FLNB: variants seen among roughly 807,000 people sequenced by gnomAD.
FLNB encodes the protein filamin-B.
In FLNB, 111 loss-of-function variants were observed where a neutral mutation model predicts 250.6. The observed-to-expected ratio is 0.44, with a 90% CI of 0.38 to 0.52. FLNB has a LOEUF of 0.52. Among genes scored for constraint, FLNB ranks in the 20% least tolerant of loss-of-function variants. The pLI is 0.00. For missense variants in FLNB, 2,869 were observed against 3,447.8 expected, an observed-to-expected ratio of 0.83 and a Z score of 4.20; for synonymous variants, 1,302 against 1,372.1, an observed-to-expected ratio of 0.95 and a Z score of 1.13.
intron 41 of FLNB, among the ~76,000 whole-genome samples, chr3:58,157,123 A>G (rs1385376320): frequency 6.6e-6 from 1 of 152,214 alleles, no homozygotes; most frequent in African/African-American, 2.4e-5. Context: ...AGGTCACTTA[A>G]TTCAAGGTTG....
intron 4 of FLNB, among the ~76,000 whole-genome samples, chr3:58,088,232 G>C (rs1019224205): frequency 1.3e-5 from 2 of 151,810 alleles, no homozygotes; most frequent in Non-Finnish European, 2.9e-5. Context: ...ATTTTTAGTA[G>C]AGACGGAGTT....
At position 58,130,880 on chromosome 3, in the gene FLNB, G is replaced by C. The variant is rs150844992; in HGVS notation, c.4362G>C (p.Pro1454=). ...ACAGCAGCAAGGCTGGCCTGGCTCC[G>C]CTGGAAGTGAGGGTTCTGGGCCCAC... ...TVDSSKAGLA[P]LEVRVLGPRG... is the part of the protein sequence containing the mutation. The change falls in exon 25 of 46, where the codon CCG becomes CCC. Residue 1454 remains proline (P), a synonymous_variant. Coordinates refer to ENST00000295956, the MANE Select transcript of FLNB (RefSeq NM_001457.4). The C allele has an allele frequency of 6.2e-6, 10 of 1,612,426 alleles. No homozygotes were observed. Among genetic ancestry groups the C allele is most frequent in the Non-Finnish European group, 7.6e-6 (9 of 1,179,576 alleles).
chr3:58,083,004 T>C (rs2097211387), intron 4 of FLNB, among the ~76,000 whole-genome samples: 1 of 152,182 alleles, frequency 6.6e-6, no homozygotes, highest in African/African-American at 2.4e-5. Context: ...ACTAAGCTTC[T>C]CCTAAGAATA....
At chr3:58,103,091 A>G (rs1191166110) in intron 9 of FLNB, among the ~76,000 whole-genome samples, 1 of 152,176 alleles carries the variant, frequency 6.6e-6, no homozygotes, top group Non-Finnish European at 1.5e-5. Context: ...TGTTCCCAAC[A>G]GGCTGGGGCA....
chr3:58,113,973 C>G (rs1016827602), intron 18 of FLNB, among the ~76,000 whole-genome samples: 3 of 152,194 alleles, frequency 2.0e-5, no homozygotes, highest in Non-Finnish European at 4.4e-5. Flanking sequence ...GCCACTGCGC[C>G]TGACCTCAGT....
intron 24 of FLNB, among the ~76,000 whole-genome samples, chr3:58,130,004 C>T (rs2107200883): frequency 6.6e-6 from 1 of 152,312 alleles, no homozygotes. Flanking sequence ...GTCAGAGGCC[C>T]TCAGGGTCCC....
Position 58,164,187 on chromosome 3 carries a change from C to A in FLNB, c.7198+857C>A, listed in dbSNP as rs1360454982. Reference sequence around the variant, plus strand: ...GTTTTTGCTTTGACATCTTAAAGATCTTTCCATGTCAGAACAGATCTTCCC... The same window carrying A: ...GTTTTTGCTTTGACATCTTAAAGATATTTCCATGTCAGAACAGATCTTCCC... On this transcript the variant is annotated intron_variant, in intron 43 of 45. Coordinates refer to ENST00000295956, the MANE Select transcript of FLNB (RefSeq NM_001457.4). This position sits in a 1 kb window ranked among gnomAD's most constrained non-coding sequence, Gnocchi z 4.0. 1 of 152,270 alleles carries A rather than the reference C, an allele frequency of 6.6e-6. No homozygotes were observed. The highest frequency in any genetic ancestry group is 1.5e-5 in the Non-Finnish European group (1 of 68,050). 9.4% of individuals were successfully genotyped at this position (152,270 alleles called of 1,614,324 possible). A position where few individuals can be genotyped will look rare whatever the true frequency, so the allele number is the denominator to read the frequency against.
In FLNB at chr3:58,128,568, T is replaced by C. The variant is rs9860208; in HGVS notation, c.4222+1806T>C. 3.0e-3 allele frequency among the ~76,000 whole-genome samples: 460 copies of C among 152,248 alleles called. 5 individuals are homozygous for C. Among genetic ancestry groups the C allele is most frequent in the African/African-American group, 0.011 (445 of 41,556 alleles). Reference sequence around the variant, plus strand: ...GTGACAGAATTCAGAGCTACGGGCTTGTTTTGGAGTTTTGTAACACTTGCG... The same window carrying C: ...GTGACAGAATTCAGAGCTACGGGCTCGTTTTGGAGTTTTGTAACACTTGCG... On this transcript the variant is annotated intron_variant, in intron 24 of 45. Transcript: ENST00000295956.
intron 1 of FLNB, among the ~76,000 whole-genome samples, chr3:58,061,200 C>G (rs1413549165): frequency 6.6e-6 from 1 of 152,160 alleles, no homozygotes; most frequent in Admixed American, 6.5e-5. Flanking sequence ...AGTTTTTTGT[C>G]TTGTCAAGAG....
intron 29 of FLNB, among the ~76,000 whole-genome samples, chr3:58,141,160 G>A (rs1042152737): frequency 2.6e-5 from 4 of 152,140 alleles, no homozygotes; most frequent in Non-Finnish European, 4.4e-5. Context: ...GGCTGAGGTG[G>A]GAGGATCACC....
In FLNB at chr3:58,132,296, C is replaced by G. The variant is rs147759382; in HGVS notation, c.4391-512C>G. On this transcript the variant is annotated intron_variant, in intron 25 of 45. Transcript: ENST00000295956. Reference sequence around the variant, plus strand: ...CCCCTTGCCCCATGAGATTGGCACCCTCACCTGCCCTGCACCTATGCCCCA... The same window carrying G: ...CCCCTTGCCCCATGAGATTGGCACCGTCACCTGCCCTGCACCTATGCCCCA... 6.1e-4 allele frequency: 286 copies of G among 465,540 alleles called. 5 individuals carry two copies. The East Asian group carries it at 0.012, about 20-fold the overall frequency. The allele number at this position is 465,540 out of a possible 1,614,324, so 28.8% of individuals were successfully genotyped here.
At chr3:58,025,208 CAG>C (rs949797117) in intron 1 of FLNB, among the ~76,000 whole-genome samples, 3 of 138,680 alleles carry the variant, frequency 2.2e-5, no homozygotes, top group African/African-American at 8.3e-5. Context: ...CGGCTCATTG[CAG>C]CCTCGACCTC....
chr3:58,060,306 C>T (rs1039544692), intron 1 of FLNB, among the ~76,000 whole-genome samples: 8 of 150,660 alleles, frequency 5.3e-5, no homozygotes, highest in East Asian at 3.9e-4. Context: ...TGTTTGAGCC[C>T]GGGAGTTTGA....
chr3:58,108,672 C>T (rs1416667882), intron 13 of FLNB, 101 bp downstream of exon 13: 8 of 752,184 alleles, frequency 1.1e-5, no homozygotes, highest in Non-Finnish European at 1.9e-5. Flanking sequence ...GTTTCCTCAT[C>T]TGCACCGTGG....
chr3:58,132,980 C>A, intron 26 of FLNB, 49 bp downstream of exon 26: 1 of 1,571,728 alleles, frequency 6.4e-7, no homozygotes, highest in East Asian at 2.3e-5. Context: ...TCTATCTGTC[C>A]ACCCATCCAT....
chr3:58,101,595 A>C (rs2097251314), intron 8 of FLNB, among the ~76,000 whole-genome samples: 2 of 152,210 alleles, frequency 1.3e-5, no homozygotes, highest in African/African-American at 4.8e-5. Flanking sequence ...TATTGCCTTT[A>C]TAGCCACCCA....
rs1343002687 is a variant in FLNB, at chr3:58,008,444, C to A, written c.-121C>A. On this transcript the variant is annotated 5_prime_UTR_variant, in exon 1 of 46. Transcript: ENST00000295956. ...CGCAGAGCAGCACCGGCCGTGGCTC[C>A]GGTAGCAGCAAGTTCGAACCCCGCT... The A allele has an allele frequency of 8.2e-7, 1 of 1,213,718 alleles. No individual in the cohort carries two copies. The highest frequency in any genetic ancestry group is 1.2e-6 in the Non-Finnish European group (1 of 851,118). 75.2% of individuals were successfully genotyped at this position (1,213,718 alleles called of 1,614,324 possible). A position where few individuals can be genotyped will look rare whatever the true frequency, so the allele number is the denominator to read the frequency against.
chr3:58,075,064 A>T (rs879490701), intron 1 of FLNB, among the ~76,000 whole-genome samples: 1 of 152,084 alleles, frequency 6.6e-6, no homozygotes, highest in African/African-American at 2.4e-5. Flanking sequence ...CAGGTTAATT[A>T]AAAAAATAAG....
At chr3:58,048,275 C>G (rs950715681) in intron 1 of FLNB, among the ~76,000 whole-genome samples, 1 of 152,118 alleles carries the variant, frequency 6.6e-6, no homozygotes, top group Non-Finnish European at 1.5e-5. Context: ...AAATCAGGCC[C>G]GTTGTCTTGT....
Sources: allele counts gnomAD v4.1 joint callset (sites outside exome capture counted in the v4.1 genomes callset), GRCh38; gene constraint gnomAD v4.1.1; non-coding constraint Gnocchi (gnomAD v3.1); transcripts MANE v1.5; gene names NCBI Gene and HGNC (gene_info 2026-07-23, HGNC 2026-07-21).